RSPH14: variants seen among roughly 807,000 people sequenced by gnomAD.
RSPH14 encodes rhabdoid tumor deletion region gene 1.
In RSPH14, 20 loss-of-function variants were observed where a neutral mutation model predicts 26.7. The ratio of observed to expected loss-of-function variants is 0.75; its 90% CI spans 0.53 to 1.09. The LOEUF is 1.09. Ranked by LOEUF, RSPH14 falls within the 50% of genes least tolerant of loss-of-function variation. The probability of loss-of-function intolerance (pLI) is 0.00; values close to 1 mark genes in which losing one functional copy is unlikely to be tolerated. For missense variants in RSPH14, 449 were observed against 457.2 expected (o/e 0.98, Z 0.16); for synonymous variants, 177 against 189.3 (o/e 0.93, Z 0.53).
At chr22:23,173,751 G>C in the RSPH14 span, among the ~76,000 whole-genome samples, 4 of 150,776 alleles carry the variant, frequency 2.7e-5, no homozygotes, top group African/African-American at 9.8e-5. Flanking sequence ...CTGTCACCTA[G>C]GCTGGAGTGC....
chr22:23,137,724 G>A (rs1490031664), intron 3 of RSPH14: 6 of 172,042 alleles, frequency 3.5e-5, no homozygotes, highest in East Asian at 3.6e-4. Flanking sequence ...CCCTTTATCC[G>A]AAAGACCTGG....
At chr22:23,153,027 C>G in the RSPH14 span, 5 of 1,609,486 alleles carry the variant, frequency 3.1e-6, no homozygotes, top group Non-Finnish European at 4.3e-6. Flanking sequence ...TCCTCATCCC[C>G]CACAGGTTTT....
At chr22:23,126,868 C>T (rs1324738901) in intron 4 of RSPH14, among the ~76,000 whole-genome samples, 3 of 152,226 alleles carry the variant, frequency 2.0e-5, no homozygotes, top group African/African-American at 7.2e-5. Context: ...CCATCCTCAC[C>T]TATAGCCCAC....
chr22:23,150,743 C>T, the RSPH14 span, among the ~76,000 whole-genome samples: 1 of 152,182 alleles, frequency 6.6e-6, no homozygotes, highest in Non-Finnish European at 1.5e-5. Context: ...CTTTCCTAAT[C>T]CCCTCGCTTC....
At chr22:23,097,460 T>C (rs756975272) in intron 4 of RSPH14, among the ~76,000 whole-genome samples, 10 of 152,210 alleles carry the variant, frequency 6.6e-5, no homozygotes, top group Non-Finnish European at 1.5e-4. Context: ...GATCTTTGGC[T>C]TTCCTCAGGC....
chr22:23,152,856 C>G, the RSPH14 span, among the ~76,000 whole-genome samples: 1 of 152,338 alleles, frequency 6.6e-6, no homozygotes, highest in Non-Finnish European at 1.5e-5. Flanking sequence ...GCTCCTGCAG[C>G]CTCCCTTTCC....
At position 23,059,429 on chromosome 22, in the gene RSPH14, A is replaced by G; in HGVS notation, c.*33T>C. 1 of 1,551,444 alleles carries G rather than the reference A, an allele frequency of 6.4e-7. No individual in the cohort carries two copies. Among genetic ancestry groups the G allele is most frequent in the Non-Finnish European group, 8.7e-7 (1 of 1,144,546 alleles). On this transcript the variant is annotated 3_prime_UTR_variant, in exon 7 of 7. Transcript: ENST00000216036. ...CGGACCCGAGATAAAGAGACTTAGC[A>G]CATTTATTCACTCACAGAGGTGAAT...
chr22:23,094,331 C>T (rs951138360), intron 4 of RSPH14, among the ~76,000 whole-genome samples: 1 of 152,052 alleles, frequency 6.6e-6, no homozygotes, highest in Non-Finnish European at 1.5e-5. Context: ...CTGGCCTAAG[C>T]ACCCGGCAAA....
At chr22:23,145,817 C>G, upstream of RSPH14, 1 of 329,426 alleles carries the variant, frequency 3.0e-6, no homozygotes, top group Non-Finnish European at 4.3e-6. Flanking sequence ...GGAGAGGAGT[C>G]CGGACAGAAA....
At position 23,059,645 on chromosome 22, in the gene RSPH14, C is replaced by T. The variant is rs750491181; in HGVS notation, c.864G>A (p.Ala288=). ...TAAGGGCCTTGGTGGCATTCAGGCG[C>T]GCTATGGTCATGGGGGAGTGCAGCA... is the stretch of plus-strand genomic sequence containing the variant. ...LELLHSPMTI[A]RLNATKALTM... Residue 288 remains alanine, a synonymous_variant, in exon 7 of 7, where the codon GCG becomes GCA. Transcript: ENST00000216036. The T allele has an allele frequency of 2.0e-5, 32 of 1,605,012 alleles. No homozygotes were observed. Among genetic ancestry groups the T allele is most frequent in the African/African-American group, 2.7e-5 (2 of 74,418 alleles).
the RSPH14 span, chr22:23,158,791 C>A: frequency 1.0e-6 from 1 of 995,198 alleles, no homozygotes; most frequent in East Asian, 2.6e-5. Context: ...CTCCTTGTCC[C>A]TCCCAGCCCA....
At chr22:23,104,443 G>A (rs1233154776) in intron 4 of RSPH14, among the ~76,000 whole-genome samples, 1 of 152,208 alleles carries the variant, frequency 6.6e-6, no homozygotes, top group Non-Finnish European at 1.5e-5. Flanking sequence ...TCAGGGCAGA[G>A]CTGCTTCCCA....
At chr22:23,131,539 C>G (rs1252994246) in intron 4 of RSPH14, 1 of 1,084,466 alleles carries the variant, frequency 9.2e-7, no homozygotes, top group Non-Finnish European at 1.2e-6. Flanking sequence ...ATCCAATGTT[C>G]CTTATCACCA....
chr22:23,147,434 A>T (rs1351582836), upstream of RSPH14, among the ~76,000 whole-genome samples: 3 of 152,068 alleles, frequency 2.0e-5, no homozygotes, highest in Middle Eastern at 6.8e-3. Context: ...GGCTGAAGCA[A>T]TCCTTCTGCC....
chr22:23,155,156 G>A, the RSPH14 span, among the ~76,000 whole-genome samples: 3 of 152,138 alleles, frequency 2.0e-5, no homozygotes, highest in East Asian at 5.8e-4. Flanking sequence ...GACCATAGAT[G>A]TCTTGTTTGT....
chr22:23,150,909 C>T, the RSPH14 span, among the ~76,000 whole-genome samples: 1 of 152,204 alleles, frequency 6.6e-6, no homozygotes, highest in African/African-American at 2.4e-5. Flanking sequence ...CTGGATTCCT[C>T]ACTAGACCTA....
intron 4 of RSPH14, among the ~76,000 whole-genome samples, chr22:23,091,453 T>C (rs1483665083): frequency 6.7e-6 from 1 of 148,568 alleles, no homozygotes; most frequent in African/African-American, 2.5e-5. Flanking sequence ...CACAGGGTCC[T>C]ATGCATACAC....
intron 5 of RSPH14, among the ~76,000 whole-genome samples, chr22:23,062,257 T>C (rs1007163220): frequency 6.6e-6 from 1 of 152,124 alleles, no homozygotes; most frequent in Non-Finnish European, 1.5e-5. Flanking sequence ...CCCAGGGGTG[T>C]CAACCACAGG....
chr22:23,141,903 T>C (rs1314064089), intron 1 of RSPH14, 46 bp downstream of exon 1: 16 of 878,168 alleles, frequency 1.8e-5, no homozygotes, highest in Non-Finnish European at 1.9e-5. Context: ...GGTGGGTCAC[T>C]GGGCCCCCCT....
Sources: gnomAD v4.1 joint callset for allele counts (sites outside exome capture counted in the v4.1 genomes callset) on GRCh38, gnomAD v4.1.1 for gene constraint, MANE v1.5 for transcripts, NCBI Gene and HGNC (gene_info 2026-07-23, HGNC 2026-07-21) for gene names.